Variants in SPATA6L observed in about 807,000 individuals in gnomAD.
SPATA6L encodes spermatogenesis associated 6 like.
In SPATA6L, 68 loss-of-function variants were observed where a neutral mutation model predicts 49.2. The ratio of observed to expected loss-of-function variants is 1.38; its 90% CI spans 1.14 to 1.69. The LOEUF (loss-of-function observed/expected upper bound fraction) is 1.69. Ranked by LOEUF, SPATA6L falls within the 40% of genes most tolerant of loss-of-function variation. The pLI, the probability that SPATA6L is intolerant of heterozygous loss-of-function variation, is 0.00. For synonymous variants in SPATA6L, 198 were observed against 165.7 expected, an observed-to-expected ratio of 1.19 and a Z score of -1.50; for missense variants, 668 against 464.3, an observed-to-expected ratio of 1.44 and a Z score of -4.03.
At chr9:4,637,598 G>A (rs991417296) in intron 3 of SPATA6L, among the ~76,000 whole-genome samples, 14 of 152,106 alleles carry the variant, frequency 9.2e-5, no homozygotes, top group African/African-American at 3.4e-4. Flanking sequence ...ACCTGAAAAG[G>A]GGCCTCACTG....
At chr9:4,601,002 T>C (rs903973009) in intron 11 of SPATA6L, among the ~76,000 whole-genome samples, 193 bp from the exon 12 acceptor site, 1 of 152,218 alleles carries the variant, frequency 6.6e-6, no homozygotes, top group East Asian at 1.9e-4. Flanking sequence ...CTGTGTGACC[T>C]TGGACAATTT....
At chr9:4,608,879 CA>C (rs1825974790) in intron 9 of SPATA6L, among the ~76,000 whole-genome samples, 1 of 151,846 alleles carries the variant, frequency 6.6e-6, no homozygotes, top group East Asian at 1.9e-4. Flanking sequence ...AAAGGATCAA[CA>C]AAATAGATAG....
chr9:4,620,000 G>A (rs1161374925), intron 7 of SPATA6L, among the ~76,000 whole-genome samples: 3 of 152,114 alleles, frequency 2.0e-5, no homozygotes, highest in Non-Finnish European at 4.4e-5. Context: ...GACTTTTTCT[G>A]GACTGCTGAT....
chr9:4,622,207 G>A (rs1241443535), intron 7 of SPATA6L, among the ~76,000 whole-genome samples: 1 of 152,206 alleles, frequency 6.6e-6, no homozygotes, highest in South Asian at 2.1e-4. Flanking sequence ...CTTCAACGGC[G>A]AGGGGAATGC....
At chr9:4,595,246 C>T (rs1354692040), downstream of SPATA6L, among the ~76,000 whole-genome samples, 1 of 152,192 alleles carries the variant, frequency 6.6e-6, no homozygotes, top group Non-Finnish European at 1.5e-5. Context: ...CTCCCCCATA[C>T]ACCCACAGGT....
chr9:4,656,789 A>T (rs1446740236), intron 2 of SPATA6L, among the ~76,000 whole-genome samples: 1 of 152,224 alleles, frequency 6.6e-6, no homozygotes, highest in East Asian at 1.9e-4. Flanking sequence ...TTGACTACCT[A>T]GAAAAACATT....
downstream of SPATA6L, among the ~76,000 whole-genome samples, chr9:4,593,629 TC>T (rs549257875): frequency 5.7e-4 from 86 of 152,128 alleles, 1 homozygote; most frequent in Admixed American, 1.3e-3. Flanking sequence ...TCCACAACAT[TC>T]CTGAAACTCC....
chr9:4,666,101 A>G (rs1456170316), intron 1 of SPATA6L, 111 bp downstream of exon 1: 1 of 943,882 alleles, frequency 1.1e-6, no homozygotes, highest in Non-Finnish European at 1.7e-6. Flanking sequence ...CCCAGAAGAT[A>G]ATGATGTGTT....
At chr9:4,618,177 G>A (rs1828455587) in intron 8 of SPATA6L, 67 bp from the exon 9 acceptor site, 5 of 1,420,232 alleles carry the variant, frequency 3.5e-6, no homozygotes, top group Non-Finnish European at 4.9e-6. Context: ...AGCTGGGGGT[G>A]GGGGTTGGAC....
chr9:4,619,656 A>G (rs1828827856), intron 7 of SPATA6L, among the ~76,000 whole-genome samples: 1 of 152,208 alleles, frequency 6.6e-6, no homozygotes, highest in Non-Finnish European at 1.5e-5. Flanking sequence ...ATGGAATCCC[A>G]TTTATGCAGG....
chr9:4,653,157 T>C (rs561045555), intron 3 of SPATA6L, among the ~76,000 whole-genome samples: 3 of 152,316 alleles, frequency 2.0e-5, no homozygotes, highest in African/African-American at 7.2e-5. Context: ...GGCATAACAA[T>C]AGACATATGA....
chr9:4,654,867 G>C (rs996836500), intron 3 of SPATA6L, among the ~76,000 whole-genome samples: 2 of 149,788 alleles, frequency 1.3e-5, no homozygotes, highest in African/African-American at 5.1e-5. Flanking sequence ...GCAACATTTG[G>C]GCGGGAAAGC....
intron 9 of SPATA6L, among the ~76,000 whole-genome samples, chr9:4,616,399 T>C (rs112171965): frequency 0.011 from 1,680 of 152,350 alleles, 24 homozygotes; most frequent in African/African-American, 0.036. Flanking sequence ...TTGAAAGTTC[T>C]TTCCGTTCTT....
intron 4 of SPATA6L, chr9:4,633,795 C>G (rs1178321114): frequency 6.6e-6 from 1 of 152,204 alleles, no homozygotes; most frequent in Admixed American, 6.5e-5. Flanking sequence ...CAAATAAGAT[C>G]AGATCCCACC....
At chr9:4,663,118 T>C in intron 1 of SPATA6L, 1 of 1,614,116 alleles carries the variant, frequency 6.2e-7, no homozygotes, top group Non-Finnish European at 8.5e-7. Flanking sequence ...GTCTTGGGCC[T>C]ATCCAGGGTC....
intron 3 of SPATA6L, among the ~76,000 whole-genome samples, chr9:4,650,236 G>A (rs1456368823): frequency 6.6e-6 from 1 of 152,102 alleles, no homozygotes; most frequent in East Asian, 1.9e-4. Flanking sequence ...TACCCAGTAT[G>A]GCCTCAGCTC....
chr9:4,655,190 T>A (rs1837839335), intron 3 of SPATA6L, among the ~76,000 whole-genome samples: 1 of 152,242 alleles, frequency 6.6e-6, no homozygotes, highest in Non-Finnish European at 1.5e-5. Context: ...GATATATTCA[T>A]CCAACAGAAT....
intron 3 of SPATA6L, among the ~76,000 whole-genome samples, chr9:4,648,992 C>T (rs1836157528): frequency 1.3e-5 from 2 of 151,972 alleles, no homozygotes; most frequent in South Asian, 2.1e-4. Context: ...CAGGTCATTG[C>T]TAATGCCATT....
intron 2 of SPATA6L, among the ~76,000 whole-genome samples, chr9:4,659,748 T>A (rs1035589868): frequency 3.9e-5 from 6 of 152,198 alleles, no homozygotes; most frequent in African/African-American, 1.4e-4. Flanking sequence ...AGAACAAGGC[T>A]GGAAGCATCA....
Sources: allele counts gnomAD v4.1 joint callset (sites outside exome capture counted in the v4.1 genomes callset), GRCh38; gene constraint gnomAD v4.1.1; transcripts MANE v1.5; gene names NCBI Gene and HGNC (gene_info 2026-07-23, HGNC 2026-07-21).